Variants in NCAM1 observed in about 807,000 individuals in gnomAD.
The protein encoded by NCAM1 is antigen recognized by monoclonal antibody 5.1H11.
Under a neutral mutation model 109.8 loss-of-function variants are expected in NCAM1, and 14 were observed. The ratio of observed to expected loss-of-function variants is 0.13; its 90% CI spans 0.08 to 0.20. The LOEUF (loss-of-function observed/expected upper bound fraction) is 0.20. Among genes scored for constraint, NCAM1 ranks in the 10% least tolerant of loss-of-function variants. The pLI, the probability that NCAM1 is intolerant of heterozygous loss-of-function variation, is 1.00. For synonymous variants in NCAM1, 418 were observed against 442.9 expected (o/e 0.94, Z 0.70); for missense variants, 774 against 1,109.9 (o/e 0.70, Z 4.30).
At chr11:113,199,829 T>TGGAA (rs60389510) in intron 1 of NCAM1, among the ~76,000 whole-genome samples, 6 of 115,782 alleles carry the variant, frequency 5.2e-5, no homozygotes, top group African/African-American at 2.0e-4. Context: ...GAAACACCCT[T>TGGAA]AAAAAAAAAA....
Position 113,009,063 on chromosome 11 carries a change from ATGTT to A in NCAM1, c.52+47400_52+47403del, listed in dbSNP as rs1951964257. On this transcript the variant is annotated intron_variant, in intron 1 of 19. Transcript: ENST00000316851. ...CTAAGTATTTTGCTATTCATGGAGAATGTTAGTTAGCCTGAGAAACTGAGCCTTG... is the reference window on the plus strand; with the variant it reads ...CTAAGTATTTTGCTATTCATGGAGAAAGTTAGCCTGAGAAACTGAGCCTTG... 3.3e-5 allele frequency among the ~76,000 whole-genome samples: 5 copies of A among 152,166 alleles called. No individual in the cohort carries two copies. The South Asian group carries it at 1.0e-3, about 32-fold the overall frequency.
intron 1 of NCAM1, among the ~76,000 whole-genome samples, chr11:113,066,411 G>C (rs1555084235): frequency 6.6e-6 from 1 of 152,048 alleles, no homozygotes; most frequent in Admixed American, 6.5e-5. Context: ...ATTAAATTAG[G>C]TTAATTTATC....
In NCAM1 at chr11:113,232,487, A is replaced by T; in HGVS notation, c.1425+133A>T. ...GCAGGGAAGGCATGGGCTAGAGAAG[A>T]CACTGAGCCTCTTTTCAGCTCCCCT... On this transcript the variant is annotated intron_variant, in intron 11 of 19. Coordinates refer to ENST00000316851, the MANE Select transcript of NCAM1 (RefSeq NM_181351.5). The T allele has an allele frequency of 3.0e-6, 3 of 1,004,156 alleles. No homozygotes were observed. The South Asian group carries it at 5.0e-5, about 17-fold the overall frequency. The allele number at this position is 1,004,156 out of a possible 1,614,324, so 62.2% of individuals were successfully genotyped here.
intron 1 of NCAM1, among the ~76,000 whole-genome samples, chr11:112,988,716 T>C (rs2134779591): frequency 6.6e-6 from 1 of 151,620 alleles, no homozygotes; most frequent in South Asian, 2.1e-4. Flanking sequence ...TTTGCTGCTT[T>C]CAACATTCTC....
chr11:113,139,533 T>C (rs1555100028), intron 1 of NCAM1, among the ~76,000 whole-genome samples: 2 of 152,348 alleles, frequency 1.3e-5, no homozygotes, highest in South Asian at 4.1e-4. Context: ...TAAACTGTTA[T>C]CAATTTCATA....
chr11:113,077,170 C>G (rs1405486636), intron 1 of NCAM1, among the ~76,000 whole-genome samples: 1 of 152,058 alleles, frequency 6.6e-6, no homozygotes, highest in Non-Finnish European at 1.5e-5. Flanking sequence ...GAATTGTCAG[C>G]AAACAATGAC....
intron 1 of NCAM1, among the ~76,000 whole-genome samples, chr11:113,021,098 G>C (rs1282857705): frequency 1.3e-5 from 2 of 152,190 alleles, no homozygotes; most frequent in African/African-American, 4.8e-5. Context: ...GTCAGCAACT[G>C]CTAACTTGTA....
chr11:113,144,350 G>A (rs1234187711), intron 1 of NCAM1, among the ~76,000 whole-genome samples: 1 of 152,092 alleles, frequency 6.6e-6, no homozygotes, highest in African/African-American at 2.4e-5. Context: ...ATTAAGGTGT[G>A]CACTTAGTTT....
At chr11:113,250,737 G>T (rs1565529747) in intron 15 of NCAM1, among the ~76,000 whole-genome samples, 1 of 152,326 alleles carries the variant, frequency 6.6e-6, no homozygotes, top group East Asian at 1.9e-4. Flanking sequence ...GAAACTTTGT[G>T]CAGATCTCTA....
intron 1 of NCAM1, among the ~76,000 whole-genome samples, chr11:113,085,531 T>C (rs1939040716): frequency 6.6e-6 from 1 of 152,244 alleles, no homozygotes; most frequent in Non-Finnish European, 1.5e-5. Flanking sequence ...TTTCTCCTCT[T>C]GTGATCGCTG....
intron 8 of NCAM1, among the ~76,000 whole-genome samples, chr11:113,215,047 T>C (rs1555114174): frequency 1.3e-5 from 2 of 152,246 alleles, no homozygotes; most frequent in Admixed American, 6.5e-5. Flanking sequence ...AAGGCAAAAA[T>C]ATTTAGCAGT....
chr11:113,196,618 G>A (rs781883568), intron 1 of NCAM1, among the ~76,000 whole-genome samples: 1 of 152,192 alleles, frequency 6.6e-6, no homozygotes, highest in Non-Finnish European at 1.5e-5. Context: ...CATGAGGATG[G>A]TTCTGTTTTT....
chr11:113,235,525 G>T (rs186250710), intron 14 of NCAM1, among the ~76,000 whole-genome samples: 1 of 152,334 alleles, frequency 6.6e-6, no homozygotes, highest in Non-Finnish European at 1.5e-5. Flanking sequence ...GAAGCCCTAA[G>T]CACCCTGTGA....
At chr11:113,148,843 C>T (rs782144228) in intron 1 of NCAM1, among the ~76,000 whole-genome samples, 19 of 152,230 alleles carry the variant, frequency 1.2e-4, no homozygotes, top group African/African-American at 3.1e-4. Flanking sequence ...CCCTCTGCTG[C>T]GCTGCTTCTC....
intron 1 of NCAM1, among the ~76,000 whole-genome samples, chr11:113,154,222 G>A (rs1555103063): frequency 6.6e-6 from 1 of 152,208 alleles, no homozygotes; most frequent in African/African-American, 2.4e-5. Context: ...AGGAACAAAT[G>A]AGAGATGAGA....
intron 17 of NCAM1, among the ~76,000 whole-genome samples, chr11:113,269,028 G>A (rs1231937267): frequency 1.3e-5 from 2 of 152,170 alleles, no homozygotes; most frequent in East Asian, 3.9e-4. Flanking sequence ...TGAATTAGAA[G>A]TGCCCATATT....
intron 1 of NCAM1, among the ~76,000 whole-genome samples, chr11:113,078,691 C>A (rs2135645392): frequency 6.6e-6 from 1 of 152,158 alleles, no homozygotes; most frequent in South Asian, 2.1e-4. Context: ...CTAGGCCATC[C>A]CATGTGGCTG....
intron 1 of NCAM1, among the ~76,000 whole-genome samples, chr11:113,135,554 A>C (rs1941567288): frequency 6.6e-6 from 1 of 152,150 alleles, no homozygotes; most frequent in African/African-American, 2.4e-5. Flanking sequence ...TTTGCTCCTT[A>C]GATAGGCCCC....
intron 9 of NCAM1, among the ~76,000 whole-genome samples, chr11:113,229,580 TG>T (rs1944943063): frequency 6.6e-6 from 1 of 152,238 alleles, no homozygotes; most frequent in Non-Finnish European, 1.5e-5. Context: ...ATCCCATTAC[TG>T]GGTATATACC....
Sources: allele counts gnomAD v4.1 joint callset (sites outside exome capture counted in the v4.1 genomes callset), GRCh38; gene constraint gnomAD v4.1.1; transcripts MANE v1.5; gene names NCBI Gene and HGNC (gene_info 2026-07-23, HGNC 2026-07-21).